NRG3: variants seen among roughly 807,000 people sequenced by gnomAD.
NRG3 encodes neuregulin 3.
A neutral mutation model predicts 66.9 loss-of-function variants in NRG3; 31 were observed. The observed-to-expected ratio is 0.46, with a 90% confidence interval of 0.35 to 0.63. The LOEUF (loss-of-function observed/expected upper bound fraction) is 0.63. NRG3 is among the 20% of genes least tolerant of loss of function. NRG3 has a pLI of 0.00. For missense variants in NRG3, 910 were observed against 878.9 expected (o/e 1.04, Z -0.45); for synonymous variants, 393 against 359.4 (o/e 1.09, Z -1.06).
chr10:82,242,207 A>G (rs919034934), intron 1 of NRG3, among the ~76,000 whole-genome samples: 1 of 152,180 alleles, frequency 6.6e-6, no homozygotes, highest in African/African-American at 2.4e-5. Context: ...ATGTAATCCA[A>G]CTTCAATCGT....
intron 4 of NRG3, among the ~76,000 whole-genome samples, chr10:82,905,766 C>T (rs1844676449): frequency 6.6e-6 from 1 of 152,158 alleles, no homozygotes; most frequent in Non-Finnish European, 1.5e-5. Context: ...TTCATTTGCT[C>T]ATATTTATTT....
At chr10:82,877,468 C>T (rs1213905553) in intron 4 of NRG3, among the ~76,000 whole-genome samples, 1 of 149,598 alleles carries the variant, frequency 6.7e-6, no homozygotes, top group South Asian at 2.1e-4. Flanking sequence ...CAACCTCTGC[C>T]TCCCAGGTTC....
chr10:82,178,546 T>C (rs2073199384), intron 1 of NRG3, among the ~76,000 whole-genome samples: 1 of 152,172 alleles, frequency 6.6e-6, no homozygotes, highest in Non-Finnish European at 1.5e-5. Context: ...GTTGTAGCAT[T>C]TGACAGAATT....
chr10:82,358,223 C>G (rs184180785), intron 1 of NRG3, among the ~76,000 whole-genome samples: 27 of 151,936 alleles, frequency 1.8e-4, no homozygotes, highest in Non-Finnish European at 1.2e-4. Flanking sequence ...ATTTTAATTA[C>G]ATAATAAAAG....
chr10:82,599,043 C>A (rs2047453800), intron 2 of NRG3, among the ~76,000 whole-genome samples: 2 of 151,500 alleles, frequency 1.3e-5, no homozygotes, highest in South Asian at 2.1e-4. Context: ...AAGGGAGACT[C>A]CATCTCAAAA....
chr10:82,739,409 T>A (rs1288675678), intron 3 of NRG3, among the ~76,000 whole-genome samples: 1 of 152,210 alleles, frequency 6.6e-6, no homozygotes, highest in Non-Finnish European at 1.5e-5. Flanking sequence ...TTTAGTTTAG[T>A]GAGGATAATG....
intron 3 of NRG3, among the ~76,000 whole-genome samples, chr10:82,784,815 G>C (rs988421829): frequency 1.3e-5 from 2 of 151,974 alleles, no homozygotes; most frequent in African/African-American, 4.8e-5. Context: ...CAGGGATCTA[G>C]AACTGGAAAT....
intron 3 of NRG3, among the ~76,000 whole-genome samples, chr10:82,834,901 C>T (rs2062702415): frequency 6.6e-6 from 1 of 152,208 alleles, no homozygotes; most frequent in Admixed American, 6.5e-5. Flanking sequence ...AGATTCTCCT[C>T]TGGTTGTCTG....
At chr10:82,433,068 A>G (rs1278242290) in intron 2 of NRG3, among the ~76,000 whole-genome samples, 1 of 152,036 alleles carries the variant, frequency 6.6e-6, no homozygotes, top group Non-Finnish European at 1.5e-5. Flanking sequence ...GAAATAATTT[A>G]CATTTCCACA....
At position 82,985,535 on chromosome 10, in the gene NRG3, C is replaced by A; in HGVS notation, c.2021C>A (p.Ala674Asp). Residue 674 changes from alanine to aspartate, a missense_variant, in exon 9 of 9, where the codon GCC becomes GAC. Physicochemically the swap from Ala to Asp is moderately radical, Grantham distance 126. Coordinates refer to ENST00000372141, the MANE Select transcript of NRG3 (RefSeq NM_001010848.4). ...GCCTTTCTCCCCCTGAGTCCCACAG[C>A]CAAATCAGAACGAGAGGCGCAATTT... ...NTAFLPLSPTAKSEREAQFVL... is the reference protein window; with the variant it reads ...NTAFLPLSPTDKSEREAQFVL... The A allele has an allele frequency of 4.3e-6, 7 of 1,613,980 alleles. No homozygotes were observed. The highest frequency in any genetic ancestry group is 5.9e-6 in the Non-Finnish European group (7 of 1,179,990).
chr10:81,987,043 T>C (rs2060548848), intron 1 of NRG3, among the ~76,000 whole-genome samples: 1 of 151,964 alleles, frequency 6.6e-6, no homozygotes, highest in Admixed American at 6.6e-5. Context: ...CTTTGAAAAC[T>C]ATATTACCCT....
intron 1 of NRG3, among the ~76,000 whole-genome samples, chr10:81,899,550 G>A (rs1843834633): frequency 6.6e-6 from 1 of 152,186 alleles, no homozygotes; most frequent in Admixed American, 6.5e-5. Context: ...ATGTGCTGGT[G>A]GCAGCAGGGA....
chr10:82,985,903 C>G lies in NRG3; in HGVS notation c.*298C>G, dbSNP rs1258176484. On this transcript the variant is annotated 3_prime_UTR_variant, in exon 9 of 9. Coordinates refer to ENST00000372141, the MANE Select transcript of NRG3 (RefSeq NM_001010848.4). Reference sequence around the variant, plus strand: ...ATGTGGGCAATTCAGACCCTTGGCCCCACAGTGCCAGTGTCTCATTAAAAA... The same window carrying G: ...ATGTGGGCAATTCAGACCCTTGGCCGCACAGTGCCAGTGTCTCATTAAAAA... 1.2e-5 allele frequency: 3 copies of G among 249,730 alleles called. No homozygotes were observed. Among genetic ancestry groups the G allele is most frequent in the Non-Finnish European group, 2.3e-5 (3 of 131,164 alleles). 15.5% of individuals were successfully genotyped at this position (249,730 alleles called of 1,614,324 possible).
In NRG3 at chr10:82,183,842, A is replaced by G. The variant is rs78486301; in HGVS notation, c.824-174897A>G. Among the ~76,000 whole-genome samples the G allele has an allele frequency of 7.1e-3, 1,082 of 152,206 alleles. 69 individuals are homozygous for G. The East Asian group carries it at 0.14, about 20-fold the overall frequency. Reference sequence around the variant, plus strand: ...AGTTGAGGTACAGAAACTCTGGCTTAAAGATGGGAGTTGAGGTGAGGAAGA... The same window carrying G: ...AGTTGAGGTACAGAAACTCTGGCTTGAAGATGGGAGTTGAGGTGAGGAAGA... On this transcript the variant is annotated intron_variant, in intron 1 of 8. Transcript: ENST00000372141.
At chr10:82,764,070 A>C (rs561990337) in intron 3 of NRG3, among the ~76,000 whole-genome samples, 5 of 152,094 alleles carry the variant, frequency 3.3e-5, no homozygotes, top group African/African-American at 1.2e-4. Context: ...ACAGAGTCTC[A>C]GTCTGTCACC....
chr10:82,490,558 T>G (rs1843008291), intron 2 of NRG3, among the ~76,000 whole-genome samples: 2 of 152,162 alleles, frequency 1.3e-5, no homozygotes, highest in Admixed American at 6.6e-5. Flanking sequence ...TTTGGTGAAT[T>G]TATCCCATGT....
intron 3 of NRG3, among the ~76,000 whole-genome samples, chr10:82,864,602 G>C (rs1205413071): frequency 6.6e-6 from 1 of 152,182 alleles, no homozygotes; most frequent in Non-Finnish European, 1.5e-5. Flanking sequence ...ATTAAAAAAA[G>C]AACCATTTAA....
intron 3 of NRG3, among the ~76,000 whole-genome samples, chr10:82,764,457 T>C (rs927525081): frequency 2.6e-5 from 4 of 151,426 alleles, no homozygotes; most frequent in African/African-American, 9.7e-5. Context: ...CTGCAACCTG[T>C]GTTCAAGCGA....
chr10:81,889,049 C>T (rs570729524), intron 1 of NRG3: 10 of 152,180 alleles, frequency 6.6e-5, no homozygotes, highest in African/African-American at 2.2e-4. Flanking sequence ...TATCCATAGT[C>T]GCATCAACAA....
Sources: gnomAD v4.1 joint callset for allele counts (sites outside exome capture counted in the v4.1 genomes callset) on GRCh38, gnomAD v4.1.1 for gene constraint, MANE v1.5 for transcripts, NCBI Gene and HGNC (gene_info 2026-07-23, HGNC 2026-07-21) for gene names.